Variants in SMCHD1 observed in about 807,000 individuals in gnomAD.
SMCHD1 encodes the protein structural maintenance of chromosomes flexible hinge domain-containing protein 1.
In SMCHD1, 78 loss-of-function variants were observed where a neutral mutation model predicts 254.7. The ratio of observed to expected loss-of-function variants is 0.31; its 90% CI spans 0.26 to 0.37. The LOEUF (loss-of-function observed/expected upper bound fraction) is 0.37, where lower values mean the gene tolerates loss of function less well. Among genes scored for constraint, SMCHD1 ranks in the 10% least tolerant of loss-of-function variants. SMCHD1 has a pLI of 1.00. For missense variants in SMCHD1, 1,840 were observed against 2,408.1 expected (o/e 0.76, Z 4.94); for synonymous variants, 766 against 794.9 (o/e 0.96, Z 0.61).
chr18:2,712,318 CTCTTT>C (rs1304916137), intron 17 of SMCHD1, among the ~76,000 whole-genome samples: 2 of 151,238 alleles, frequency 1.3e-5, no homozygotes, highest in African/African-American at 2.4e-5. Context: ...GTGTTCTCTC[CTCTTT>C]AAGTTTTTGG....
intron 37 of SMCHD1, among the ~76,000 whole-genome samples, chr18:2,767,831 C>T (rs931273878): frequency 6.6e-6 from 1 of 151,950 alleles, no homozygotes; most frequent in African/African-American, 2.4e-5. Context: ...CTCAGACGAT[C>T]CACCCACCTC....
Position 2,732,329 on chromosome 18 carries a change from G to T in SMCHD1, c.3113G>T (p.Arg1038Ile). The T allele has an allele frequency of 1.2e-6, 2 of 1,613,816 alleles. No individual in the cohort carries two copies. The highest frequency in any genetic ancestry group is 1.1e-5 in the South Asian group (1 of 91,078). Residue 1038 changes from arginine (R) to isoleucine (I), a missense_variant, in exon 25 of 48, where the codon AGA (arginine) becomes ATA (isoleucine). Physicochemically the swap from Arg to Ile is moderately conservative, Grantham distance 97. Coordinates refer to ENST00000320876, the MANE Select transcript of SMCHD1 (RefSeq NM_015295.3). ...TTGCTTCCCAGTAGCCATGTTGCAA[G>T]ACTACAAATATTCAGTGTAGAAGGA... is the stretch of plus-strand genomic sequence containing the variant. ...IKLLPSSHVARLQIFSVEGQK... is the reference protein window; with the variant it reads ...IKLLPSSHVAILQIFSVEGQK...
intron 44 of SMCHD1, among the ~76,000 whole-genome samples, chr18:2,780,647 G>A (rs535725621): frequency 2.8e-4 from 42 of 152,324 alleles, no homozygotes; most frequent in South Asian, 2.1e-3. Flanking sequence ...GTGCTATTAT[G>A]TGTTGAACTA....
chr18:2,664,868 T>C (rs1010762834), intron 1 of SMCHD1, among the ~76,000 whole-genome samples: 9 of 152,232 alleles, frequency 5.9e-5, no homozygotes, highest in Middle Eastern at 3.2e-3. Context: ...GTACCATTGA[T>C]ACAAGAAAAG....
At chr18:2,678,408 C>A (rs1463810685) in intron 5 of SMCHD1, among the ~76,000 whole-genome samples, 1 of 151,532 alleles carries the variant, frequency 6.6e-6, no homozygotes, top group African/African-American at 2.4e-5. Context: ...TCCAGCGATT[C>A]TCCTGCCTTA....
At chr18:2,732,539 T>G in intron 25 of SMCHD1, 47 bp downstream of exon 25, 1 of 1,303,874 alleles carries the variant, frequency 7.7e-7, no homozygotes, top group South Asian at 1.4e-5. Flanking sequence ...TTTTTAAATT[T>G]TATGTTTGTA....
At chr18:2,696,353 A>G in intron 8 of SMCHD1, among the ~76,000 whole-genome samples, 1 of 152,124 alleles carries the variant, frequency 6.6e-6, no homozygotes, top group East Asian at 1.9e-4. Flanking sequence ...GAGCATTACC[A>G]CCTGGCTCCG....
At chr18:2,778,074 C>G in intron 43 of SMCHD1, 95 bp from the exon 44 acceptor site, 1 of 1,019,326 alleles carries the variant, frequency 9.8e-7, no homozygotes, top group Non-Finnish European at 1.4e-6. Context: ...CGAATACTAG[C>G]ACTCTTTCAA....
Position 2,718,125 on chromosome 18 carries a change from A to T in SMCHD1, c.2261-33A>T. The stretch of plus-strand genomic sequence containing the variant: ...TTTCATGTTTTACGTTGAATTTCTC[A>T]AGACACTATTGTTTCTTTTTTCTTT... On this transcript the variant is annotated intron_variant, in intron 17 of 47. Coordinates refer to ENST00000320876, the MANE Select transcript of SMCHD1 (RefSeq NM_015295.3). The surrounding 1 kb of genome is among the most constrained non-coding windows in gnomAD (Gnocchi z 4.6). The T allele has an allele frequency of 6.6e-7, 1 of 1,520,494 alleles. No individual in the cohort carries two copies. Among genetic ancestry groups the T allele is most frequent in the Non-Finnish European group, 9.0e-7 (1 of 1,109,224 alleles). 94.2% of individuals were successfully genotyped at this position (1,520,494 alleles called of 1,614,324 possible). A position where few individuals can be genotyped will look rare whatever the true frequency, so the allele number is the denominator to read the frequency against.
chr18:2,732,227 A>G, intron 24 of SMCHD1, 38 bp from the exon 25 acceptor site: 2 of 1,509,690 alleles, frequency 1.3e-6, no homozygotes, highest in South Asian at 1.2e-5. Flanking sequence ...ATTTCAGTAC[A>G]GATATCACTC....
At position 2,706,925 on chromosome 18, in the gene SMCHD1, C is replaced by T. The variant is rs116813424; in HGVS notation, c.2063+455C>T. 5.1e-3 allele frequency among the ~76,000 whole-genome samples: 776 copies of T among 151,970 alleles called. 3 individuals carry two copies. Among genetic ancestry groups the T allele is most frequent in the African/African-American group, 0.017 (700 of 41,440 alleles). ...GGAAACTTATAATCATGGCATAAGGCGAAGGGGAAGCAAGCCATGTCTTAC... is the reference window on the plus strand; with the variant it reads ...GGAAACTTATAATCATGGCATAAGGTGAAGGGGAAGCAAGCCATGTCTTAC... On this transcript the variant is annotated intron_variant, in intron 15 of 47. Transcript: ENST00000320876.
intron 5 of SMCHD1, among the ~76,000 whole-genome samples, chr18:2,676,827 T>G (rs1456390524): frequency 2.0e-5 from 3 of 152,198 alleles, no homozygotes; most frequent in Non-Finnish European, 2.9e-5. Flanking sequence ...CTGCTGTCAG[T>G]TTGTGAGATT....
At chr18:2,738,328 T>A in intron 25 of SMCHD1, 69 bp from the exon 26 acceptor site, 1 of 1,349,616 alleles carries the variant, frequency 7.4e-7, no homozygotes, top group Non-Finnish European at 9.9e-7. Flanking sequence ...GTTTTAAGAG[T>A]AAGATAAGTG....
chr18:2,690,505 T>A (rs1455340068), intron 7 of SMCHD1, among the ~76,000 whole-genome samples: 1 of 152,130 alleles, frequency 6.6e-6, no homozygotes, highest in African/African-American at 2.4e-5. Flanking sequence ...AGAGTCTCAC[T>A]CTCTTGCCCA....
At chr18:2,699,166 C>G (rs1598333587) in intron 10 of SMCHD1, among the ~76,000 whole-genome samples, 1 of 152,274 alleles carries the variant, frequency 6.6e-6, no homozygotes, top group East Asian at 1.9e-4. Context: ...GGACAAACTA[C>G]TCCCTGCCTT....
chr18:2,684,169 A>G (rs778434067), intron 5 of SMCHD1, among the ~76,000 whole-genome samples: 1 of 152,160 alleles, frequency 6.6e-6, no homozygotes, highest in Non-Finnish European at 1.5e-5. Flanking sequence ...GACATACAAA[A>G]TCTGAAGAAA....
chr18:2,754,158 A>G (rs9948127), intron 34 of SMCHD1, among the ~76,000 whole-genome samples: 4,969 of 152,234 alleles, frequency 0.033, 268 homozygotes, highest in African/African-American at 0.11. Flanking sequence ...GTTAATTTTT[A>G]TATAAGCAAA....
chr18:2,712,572 C>G (rs1465182176), intron 17 of SMCHD1, among the ~76,000 whole-genome samples: 1 of 152,152 alleles, frequency 6.6e-6, no homozygotes, highest in Non-Finnish European at 1.5e-5. Flanking sequence ...CAGGGCCAAC[C>G]ACAGGAGTTG....
intron 22 of SMCHD1, 170 bp downstream of exon 22, chr18:2,726,694 C>T: frequency 3.1e-6 from 1 of 324,416 alleles, no homozygotes. Context: ...AAAAGGAAAA[C>T]ATTTAGGAAG....
Sources: allele counts gnomAD v4.1 joint callset (sites outside exome capture counted in the v4.1 genomes callset), GRCh38; gene constraint gnomAD v4.1.1; non-coding constraint Gnocchi (gnomAD v3.1); transcripts MANE v1.5; gene names NCBI Gene and HGNC (gene_info 2026-07-23, HGNC 2026-07-21).